Variants in GALNT5 observed in about 807,000 individuals in gnomAD.
GALNT5 encodes UDP-GalNAc:polypeptide N-acetylgalactosaminyltransferase 5.
In GALNT5, 72 loss-of-function variants were observed where a neutral mutation model predicts 85.4. The observed-to-expected ratio is 0.84, with a 90% CI of 0.70 to 1.03. GALNT5 has a LOEUF of 1.03. Among genes scored for constraint, GALNT5 ranks in the 50% least tolerant of loss-of-function variants. The probability of loss-of-function intolerance (pLI) is 0.00; values close to 1 mark genes in which losing one functional copy is unlikely to be tolerated. For missense variants in GALNT5, 1,137 were observed against 1,135.5 expected, an observed-to-expected ratio of 1.00 and a Z score of -0.02; for synonymous variants, 404 against 397.0, an observed-to-expected ratio of 1.02 and a Z score of -0.21.
chr2:157,268,101 A>C (rs1298086245), intron 1 of GALNT5, among the ~76,000 whole-genome samples: 2 of 152,208 alleles, frequency 1.3e-5, no homozygotes, highest in African/African-American at 4.8e-5. Context: ...ATAGAAGTTA[A>C]GAAAATATTC....
At chr2:157,280,460 C>T (rs917458325) in intron 1 of GALNT5, among the ~76,000 whole-genome samples, 1 of 152,102 alleles carries the variant, frequency 6.6e-6, no homozygotes, top group Admixed American at 6.5e-5. Context: ...ACAGAATGTC[C>T]CCTACAACAT....
intron 4 of GALNT5, 121 bp downstream of exon 4, chr2:157,295,919 C>G: frequency 2.9e-6 from 2 of 691,290 alleles, no homozygotes; most frequent in Non-Finnish European, 4.8e-6. Flanking sequence ...TACAGTTTAT[C>G]TACTTAAATA....
Position 157,317,848 on chromosome 2 carries a change from T to C in GALNT5, c.*6500T>C, listed in dbSNP as rs1683750782. ...ACCCATGTCATTGTGTTTGTATTGA[T>C]TGCCTGGCTCAGTTATCTCATGTTC... On this transcript the variant is annotated 3_prime_UTR_variant, in exon 10 of 10. Transcript: ENST00000259056. Among the ~76,000 whole-genome samples, 2 of 152,142 alleles carry C rather than the reference T, an allele frequency of 1.3e-5. No homozygotes were observed. Among genetic ancestry groups the C allele is most frequent in the East Asian group, 1.9e-4 (1 of 5,202 alleles).
chr2:157,292,385 C>CT (rs1683119963), intron 3 of GALNT5, among the ~76,000 whole-genome samples: 1 of 152,198 alleles, frequency 6.6e-6, no homozygotes. Flanking sequence ...AACAAAGTGT[C>CT]TGAAAGTAGA....
rs1683695293 is a variant in GALNT5, at chr2:157,316,028, T to G, written c.*4680T>G. Among the ~76,000 whole-genome samples, 1 of 152,094 alleles carries G rather than the reference T, an allele frequency of 6.6e-6. No individual in the cohort carries two copies. The highest frequency in any genetic ancestry group is 2.4e-5 in the African/African-American group (1 of 41,420). On this transcript the variant is annotated 3_prime_UTR_variant, in exon 10 of 10. Transcript: ENST00000259056. ...GGATTGGTTTAACCAGGTATACTAC[T>G]TACATAGCCGGTGAAAAGACTGGCC...
At chr2:157,273,790 C>T (rs1682652518) in intron 1 of GALNT5, among the ~76,000 whole-genome samples, 2 of 151,314 alleles carry the variant, frequency 1.3e-5, no homozygotes, top group African/African-American at 4.9e-5. Flanking sequence ...TTACAAGTAC[C>T]CGCCACCATG....
Position 157,257,749 on chromosome 2 carries a change from G to T in GALNT5, c.-334G>T. On this transcript the variant is annotated 5_prime_UTR_variant, in exon 1 of 10. An upstream start codon of the reference 5' UTR is lost. Transcript: ENST00000259056. ...CTTGGGCTTGTAGGAAGGTGGACAT[G>T]GGCTCCCGGAGACAAGACAAGTGAT... 4.1e-6 allele frequency: 1 copy of T among 241,536 alleles called. No individual in the cohort carries two copies. The highest frequency in any genetic ancestry group is 8.0e-6 in the Non-Finnish European group (1 of 124,386). The allele number at this position is 241,536 out of a possible 1,614,324, so 15.0% of individuals were successfully genotyped here. A position where few individuals can be genotyped will look rare whatever the true frequency, so the allele number is the denominator to read the frequency against.
At chr2:157,295,526 C>T (rs571069086) in intron 3 of GALNT5, 137 bp from the exon 4 acceptor site, 7 of 584,792 alleles carry the variant, frequency 1.2e-5, no homozygotes, top group Admixed American at 7.0e-5. Flanking sequence ...ATAGTGACCA[C>T]GAATTCAGAA....
chr2:157,290,073 C>CAAAA (rs1373726727), intron 3 of GALNT5, among the ~76,000 whole-genome samples: 11 of 88,102 alleles, frequency 1.2e-4, no homozygotes, highest in African/African-American at 6.5e-4. Context: ...AATTCTGTCT[C>CAAAA]AAAAAAAAAA....
chr2:157,305,524 G>A (rs1382467101), intron 7 of GALNT5, among the ~76,000 whole-genome samples: 1 of 152,272 alleles, frequency 6.6e-6, no homozygotes, highest in South Asian at 2.1e-4. Context: ...TGGCTCTATG[G>A]CTGATCACAG....
rs1683635556 is a variant in GALNT5, at chr2:157,313,940, A to G, written c.*2592A>G. 6.6e-6 allele frequency: 1 copy of G among 152,288 alleles called. No individual in the cohort carries two copies. Among genetic ancestry groups the G allele is most frequent in the East Asian group, 1.9e-4 (1 of 5,180 alleles). The allele number at this position is 152,288 out of a possible 1,614,324, so 9.4% of individuals were successfully genotyped here. A position where few individuals can be genotyped will look rare whatever the true frequency, so the allele number is the denominator to read the frequency against. Reference sequence around the variant, plus strand: ...TGCTCAGTTACTCTAAGAAGCAAGGAACTGATCACTAGTTGGGAATCTATA... The same window carrying G: ...TGCTCAGTTACTCTAAGAAGCAAGGGACTGATCACTAGTTGGGAATCTATA... On this transcript the variant is annotated 3_prime_UTR_variant, in exon 10 of 10. Transcript: ENST00000259056.
In GALNT5 at chr2:157,311,076, A is replaced by C. The variant is rs530558072; in HGVS notation, c.2683-132A>C. ...TTCAAAGTCTGTGTTTATGTTAATA[A>C]TTTAGTTCAGAAGAATTCTTAAAAA... On this transcript the variant is annotated intron_variant, in intron 9 of 9. Transcript: ENST00000259056. The C allele has an allele frequency of 2.5e-5, 18 of 730,014 alleles. No homozygotes were observed. The East Asian group carries it at 4.3e-4, about 18-fold the overall frequency. 45.2% of individuals were successfully genotyped at this position (730,014 alleles called of 1,614,324 possible). A position where few individuals can be genotyped will look rare whatever the true frequency, so the allele number is the denominator to read the frequency against.
At position 157,257,873 on chromosome 2, in the gene GALNT5, G is replaced by T; in HGVS notation, c.-210G>T. 1 of 593,782 alleles carries T rather than the reference G, an allele frequency of 1.7e-6. No individual in the cohort carries two copies. The highest frequency in any genetic ancestry group is 2.0e-5 in the South Asian group (1 of 50,828). 36.8% of individuals were successfully genotyped at this position (593,782 alleles called of 1,614,324 possible). On this transcript the variant is annotated 5_prime_UTR_variant, in exon 1 of 10. The change abolishes an upstream ATG in the 5' untranslated region. Coordinates refer to ENST00000259056, the MANE Select transcript of GALNT5 (RefSeq NM_014568.3). ...CAGGGCCAGCCAAGCAGGCACAGATGCTCTGCTATGAAATGCCACGCAGGC... is the reference window on the plus strand; with the variant it reads ...CAGGGCCAGCCAAGCAGGCACAGATTCTCTGCTATGAAATGCCACGCAGGC...
At position 157,305,774 on chromosome 2, in the gene GALNT5, G is replaced by A. The variant is rs754488770; in HGVS notation, c.2465G>A (p.Cys822Tyr). Residue 822 changes from cysteine (C) to tyrosine (Y), a missense_variant, in exon 8 of 10, where the codon TGC (cysteine) becomes TAC (tyrosine). Physicochemically the swap from Cys to Tyr is radical, Grantham distance 194 (BLOSUM62 -2). Coordinates refer to ENST00000259056, the MANE Select transcript of GALNT5 (RefSeq NM_014568.3). ...GVLINVALGK[C>Y]ISIENTTVIL... ...CTTATTAATGTGGCTTTGGGTAAAT[G>A]CATTTCCATTGAAAACACTACAGTC... 1 of 1,606,714 alleles carries A rather than the reference G, an allele frequency of 6.2e-7. No homozygotes were observed. The highest frequency in any genetic ancestry group is 8.5e-7 in the Non-Finnish European group (1 of 1,173,486).
intron 9 of GALNT5, 36 bp from the exon 10 acceptor site, chr2:157,311,172 G>T (rs1460286201): frequency 2.6e-6 from 4 of 1,558,148 alleles, no homozygotes; most frequent in African/African-American, 1.4e-5. Flanking sequence ...ATCAAATTCA[G>T]CCTGTGGCTC....
At chr2:157,308,139 C>T (rs1229227025) in intron 8 of GALNT5, among the ~76,000 whole-genome samples, 2 of 152,198 alleles carry the variant, frequency 1.3e-5, no homozygotes, top group African/African-American at 4.8e-5. Flanking sequence ...CTGTAGCCAC[C>T]CGTGGCTTAG....
At position 157,316,746 on chromosome 2, in the gene GALNT5, A is replaced by G. The variant is rs1683714115; in HGVS notation, c.*5398A>G. ...TATTCCAGGTGTTGGTGGTGTCTGT[A>G]TCTCAAAGAAAGAAAAAAATAACAT... On this transcript the variant is annotated 3_prime_UTR_variant, in exon 10 of 10. Transcript: ENST00000259056. Among the ~76,000 whole-genome samples the G allele has an allele frequency of 6.6e-6, 1 of 152,166 alleles. No homozygotes were observed. The highest frequency in any genetic ancestry group is 1.9e-4 in the East Asian group (1 of 5,198).
intron 1 of GALNT5, among the ~76,000 whole-genome samples, chr2:157,274,680 G>GT (rs1003934098): frequency 5.3e-5 from 8 of 151,770 alleles, no homozygotes; most frequent in Non-Finnish European, 7.4e-5. Context: ...GGGGTTGTTT[G>GT]TTTTTTTTCT....
At chr2:157,272,422 G>A (rs1389348935) in intron 1 of GALNT5, among the ~76,000 whole-genome samples, 1 of 152,070 alleles carries the variant, frequency 6.6e-6, no homozygotes, top group Non-Finnish European at 1.5e-5. Context: ...GTACAGGTTT[G>A]TTACAGGGTA....
Sources: gnomAD v4.1 joint callset for allele counts (sites outside exome capture counted in the v4.1 genomes callset) on GRCh38, gnomAD v4.1.1 for gene constraint, MANE v1.5 for transcripts, NCBI Gene and HGNC (gene_info 2026-07-23, HGNC 2026-07-21) for gene names.